SFI1: variants seen among roughly 807,000 people sequenced by gnomAD.
SFI1 encodes the protein SFI1 centrin binding protein.
A neutral mutation model predicts 207.5 loss-of-function variants in SFI1; 195 were observed. That is an observed-to-expected ratio of 0.94 (90% confidence interval 0.84 to 1.06). The LOEUF is 1.06. SFI1 is among the 50% of genes least tolerant of loss of function. The probability of loss-of-function intolerance (pLI) is 0.00; values close to 1 mark genes in which losing one functional copy is unlikely to be tolerated. For synonymous variants in SFI1, 630 were observed against 598.9 expected, an observed-to-expected ratio of 1.05 and a Z score of -0.76; for missense variants, 1,634 against 1,588.0, an observed-to-expected ratio of 1.03 and a Z score of -0.49.
chr22:31,611,668 G>T, intron 23 of SFI1, 98 bp from the exon 24 acceptor site: 1 of 1,214,458 alleles, frequency 8.2e-7, no homozygotes, highest in Non-Finnish European at 1.1e-6. Flanking sequence ...GCAATGGGAG[G>T]ACATTCAGCT....
chr22:31,606,615 A>C lies in SFI1; in HGVS notation c.2157+185A>C. On this transcript the variant is annotated intron_variant, in intron 21 of 32. Transcript: ENST00000400288. ...CATGTTTAGTTTTTTACTGAATTAC[A>C]AACCAATATGCATTAAATAGAAACA... 3 of 552,962 alleles carry C rather than the reference A, an allele frequency of 5.4e-6. No homozygotes were observed. The South Asian group carries it at 7.5e-5, about 14-fold the overall frequency. The allele number at this position is 552,962 out of a possible 1,614,324, so 34.3% of individuals were successfully genotyped here. A position where few individuals can be genotyped will look rare whatever the true frequency, so the allele number is the denominator to read the frequency against.
chr22:31,563,804 C>T (rs957936688), intron 8 of SFI1, among the ~76,000 whole-genome samples: 2 of 151,634 alleles, frequency 1.3e-5, no homozygotes, highest in Admixed American at 6.6e-5. Context: ...AGGCTGGTCT[C>T]GAACTCCTGA....
At chr22:31,518,885 A>G (rs527251233) in intron 2 of SFI1, among the ~76,000 whole-genome samples, 12 of 152,284 alleles carry the variant, frequency 7.9e-5, no homozygotes, top group Admixed American at 1.3e-4. Flanking sequence ...AATAAGCTTC[A>G]TTGATACACA....
At chr22:31,501,966 TGA>T (rs1212024294) in intron 1 of SFI1, among the ~76,000 whole-genome samples, 3 of 152,106 alleles carry the variant, frequency 2.0e-5, no homozygotes, top group African/African-American at 7.2e-5. Flanking sequence ...AGTGTGTGTG[TGA>T]GTGTGCAATG....
intron 12 of SFI1, among the ~76,000 whole-genome samples, chr22:31,582,201 AC>A (rs1198162907): frequency 1.6e-3 from 21 of 13,044 alleles, no homozygotes; most frequent in South Asian, 0.014. Context: ...CTTCTTTATT[AC>A]ATTTTATATA....
chr22:31,591,455 C>A (rs941190059), intron 15 of SFI1, among the ~76,000 whole-genome samples: 8 of 152,158 alleles, frequency 5.3e-5, no homozygotes, highest in African/African-American at 9.7e-5. Flanking sequence ...CCATTGTCAT[C>A]CTGGCCCGTT....
intron 15 of SFI1, among the ~76,000 whole-genome samples, chr22:31,590,009 C>T (rs2065623343): frequency 6.6e-6 from 1 of 151,618 alleles, no homozygotes; most frequent in South Asian, 2.1e-4. Context: ...GTCCAAAGGC[C>T]TGGGAACCAA....
chr22:31,614,726 G>C (rs1224154534), intron 27 of SFI1, 63 bp from the exon 28 acceptor site: 1 of 1,571,678 alleles, frequency 6.4e-7, no homozygotes, highest in South Asian at 1.1e-5. Flanking sequence ...ATCCCACAGA[G>C]ATCTCAGACC....
At chr22:31,508,397 A>C in intron 2 of SFI1, 21 bp downstream of exon 2, 1 of 1,503,068 alleles carries the variant, frequency 6.7e-7, no homozygotes, top group Non-Finnish European at 9.2e-7. Context: ...GGACTTGAGA[A>C]AAAAATATAA....
intron 2 of SFI1, among the ~76,000 whole-genome samples, chr22:31,525,538 C>T (rs892570006): frequency 1.3e-5 from 2 of 152,072 alleles, no homozygotes; most frequent in South Asian, 2.1e-4. Flanking sequence ...GACCATCCTG[C>T]GCATGTGGCA....
chr22:31,531,162 G>C, intron 4 of SFI1, 33 bp downstream of exon 4: 1 of 1,550,432 alleles, frequency 6.4e-7, no homozygotes. Flanking sequence ...TAATTGTGTT[G>C]AGTTCATTCT....
At chr22:31,606,656 G>A in intron 21 of SFI1, 1 of 355,452 alleles carries the variant, frequency 2.8e-6, no homozygotes, top group South Asian at 5.5e-5. Context: ...CATCATAAGT[G>A]AACTAGTTCT....
chr22:31,566,559 T>G (rs2062336093), intron 8 of SFI1, among the ~76,000 whole-genome samples: 1 of 152,262 alleles, frequency 6.6e-6, no homozygotes, highest in African/African-American at 2.4e-5. Flanking sequence ...GAATTCTGCC[T>G]CTATCACCTA....
Position 31,604,348 on chromosome 22 carries a change from C to G in SFI1, c.1921C>G (p.Arg641Gly), listed in dbSNP as rs767676448. The change falls in exon 19 of 33, where the codon CGA becomes GGA. Residue 641 changes from arginine to glycine, a missense_variant. Transcript: ENST00000400288. Reference sequence around the variant, plus strand: ...GGGAGCGGAGCGGCAGAAGCTGATGCGAGCAGACCTGCACCACCAGCACAG... The same window carrying G: ...GGGAGCGGAGCGGCAGAAGCTGATGGGAGCAGACCTGCACCACCAGCACAG... Reference protein sequence around the residue: ...LRGAERQKLMRADLHHQHSVL... With the variant: ...LRGAERQKLMGADLHHQHSVL... 3 of 1,580,096 alleles carry G rather than the reference C, an allele frequency of 1.9e-6. No homozygotes were observed. Among genetic ancestry groups the G allele is most frequent in the African/African-American group, 1.3e-5 (1 of 74,522 alleles).
chr22:31,584,942 T>C (rs2064825131), intron 13 of SFI1, 126 bp from the exon 14 acceptor site: 1 of 610,724 alleles, frequency 1.6e-6, no homozygotes, highest in Non-Finnish European at 2.8e-6. Context: ...CCGTCTCTCC[T>C]AGAATGAAAC....
rs554921896 is a variant in SFI1, at chr22:31,516,266, A to T, written c.92+7890A>T. Among the ~76,000 whole-genome samples the T allele has an allele frequency of 2.6e-5, 4 of 152,176 alleles. No homozygotes were observed. The East Asian group carries it at 7.7e-4, about 29-fold the overall frequency. ...CGTGGCTTACGTCTGGAATTCTAGCACTTTGAGAGGCCAAGGAGGGTGGAT... is the reference window on the plus strand; with the variant it reads ...CGTGGCTTACGTCTGGAATTCTAGCTCTTTGAGAGGCCAAGGAGGGTGGAT... On this transcript the variant is annotated intron_variant, in intron 2 of 32. Coordinates refer to ENST00000400288, the MANE Select transcript of SFI1 (RefSeq NM_001007467.3).
Position 31,575,358 on chromosome 22 carries a change from G to T in SFI1, c.1050G>T (p.Met350Ile). ...HAQVEKLARK[M>I]ALRRAFTHWK... ...AGGTGGAGAAACTGGCCAGGAAGAT[G>T]GCCCTGCGGCGCGCCTTTACTCACT... Residue 350 changes from methionine to isoleucine, a missense_variant, in exon 10 of 33, where the codon ATG (methionine) becomes ATT (isoleucine). Met to Ile is a conservative substitution (Grantham distance 10). Transcript: ENST00000400288. 6.2e-7 allele frequency: 1 copy of T among 1,611,976 alleles called. No individual in the cohort carries two copies. Among genetic ancestry groups the T allele is most frequent in the Non-Finnish European group, 8.5e-7 (1 of 1,179,288 alleles).
intron 8 of SFI1, among the ~76,000 whole-genome samples, chr22:31,561,763 C>T (rs2061727581): frequency 6.6e-6 from 1 of 152,158 alleles, no homozygotes; most frequent in Non-Finnish European, 1.5e-5. Context: ...GAAAAGAAAA[C>T]CTGTCTTCCT....
At position 31,611,150 on chromosome 22, in the gene SFI1, G is replaced by A; in HGVS notation, c.2262G>A (p.Leu754=). 6.2e-7 allele frequency: 1 copy of A among 1,614,194 alleles called. No individual in the cohort carries two copies. Residue 754 remains leucine, a synonymous_variant, in exon 23 of 33, where the codon CTG becomes CTA. Coordinates refer to ENST00000400288, the MANE Select transcript of SFI1 (RefSeq NM_001007467.3). ...EAQKVLDRGC[L]RTWFQRWWDC... is the part of the protein sequence containing the mutation. ...GACTTGGATCTGCCTTAGGCTGTCT[G>A]CGGACCTGGTTTCAGCGCTGGTGGG...
Sources: gnomAD v4.1 joint callset for allele counts (sites outside exome capture counted in the v4.1 genomes callset) on GRCh38, gnomAD v4.1.1 for gene constraint, MANE v1.5 for transcripts, NCBI Gene and HGNC (gene_info 2026-07-23, HGNC 2026-07-21) for gene names.